Variants in AFF3 observed in about 807,000 individuals in gnomAD.
The protein encoded by AFF3 is ALF transcription elongation factor 3.
A neutral mutation model predicts 129.7 loss-of-function variants in AFF3; 32 were observed. The ratio of observed to expected loss-of-function variants is 0.25; its 90% CI spans 0.19 to 0.33. The LOEUF (loss-of-function observed/expected upper bound fraction) is 0.33. AFF3 is among the 10% of genes least tolerant of loss of function. AFF3 has a pLI of 1.00. For missense variants in AFF3, 1,373 were observed against 1,592.0 expected, an observed-to-expected ratio of 0.86 and a Z score of 2.34; for synonymous variants, 644 against 635.4, an observed-to-expected ratio of 1.01 and a Z score of -0.20.
chr2:100,002,624 T>C (rs1393634585), intron 7 of AFF3, among the ~76,000 whole-genome samples: 1 of 152,180 alleles, frequency 6.6e-6, no homozygotes, highest in Non-Finnish European at 1.5e-5. Flanking sequence ...CAAATTCAGG[T>C]GTCTCTTTCC....
chr2:100,011,719 G>C, intron 4 of AFF3: 2 of 648,720 alleles, frequency 3.1e-6, no homozygotes, highest in Non-Finnish European at 5.6e-6. Context: ...CGGGAGGCAA[G>C]CTGAACAAAG....
intron 11 of AFF3, among the ~76,000 whole-genome samples, chr2:99,706,447 AT>A (rs1677397320): frequency 6.6e-6 from 1 of 152,156 alleles, no homozygotes. Context: ...TTCTCAGCGG[AT>A]TTCTCCAGGC....
intron 7 of AFF3, among the ~76,000 whole-genome samples, chr2:99,867,576 T>TAAAAA (rs3072544): frequency 9.6e-4 from 136 of 141,352 alleles, no homozygotes; most frequent in African/African-American, 3.3e-3. Context: ...ATTTCTATAT[T>TAAAAA]AAAAAAAAAA....
chr2:99,550,043 C>T lies in AFF3; in HGVS notation c.*1431G>A, dbSNP rs1198984703. On this transcript the variant is annotated 3_prime_UTR_variant, in exon 25 of 25. Transcript: ENST00000672756. ...GTGTGGCAAGATAGACCCTCTTTTT[C>T]AGGAGTTATTTTCTTTTCGTCAAGA... is the stretch of plus-strand genomic sequence containing the variant. 4.4e-6 allele frequency: 1 copy of T among 227,802 alleles called. No individual in the cohort carries two copies. Among genetic ancestry groups the T allele is most frequent in the Non-Finnish European group, 8.7e-6 (1 of 114,758 alleles). The allele number at this position is 227,802 out of a possible 1,614,324, so 14.1% of individuals were successfully genotyped here.
chr2:99,948,329 G>A (rs1675831643), intron 7 of AFF3, among the ~76,000 whole-genome samples: 1 of 152,130 alleles, frequency 6.6e-6, no homozygotes, highest in Non-Finnish European at 1.5e-5. Flanking sequence ...GAAGCTCCAA[G>A]TTTTGAAGAC....
chr2:100,073,525 G>A (rs909003588), intron 4 of AFF3, among the ~76,000 whole-genome samples: 1 of 152,112 alleles, frequency 6.6e-6, no homozygotes. Flanking sequence ...CCAGGCTGTG[G>A]GACTTTATAG....
chr2:99,671,340 T>C (rs1575654053), intron 12 of AFF3, among the ~76,000 whole-genome samples: 1 of 152,152 alleles, frequency 6.6e-6, no homozygotes, highest in African/African-American at 2.4e-5. Context: ...TGTAAAACAC[T>C]CGAAGCCTGA....
chr2:99,913,106 AAGAAG>A (rs1695218247), intron 7 of AFF3, among the ~76,000 whole-genome samples: 1 of 152,226 alleles, frequency 6.6e-6, no homozygotes, highest in African/African-American at 2.4e-5. Flanking sequence ...GGGGAAAAGA[AAGAAG>A]AGAAGGAAGT....
intron 4 of AFF3, among the ~76,000 whole-genome samples, chr2:100,086,329 T>C (rs1047839310): frequency 8.6e-5 from 13 of 151,680 alleles, no homozygotes; most frequent in African/African-American, 3.1e-4. Flanking sequence ...GAGACCATCC[T>C]GGCCAACAAG....
intron 13 of AFF3, among the ~76,000 whole-genome samples, chr2:99,638,295 G>A (rs997626963): frequency 2.6e-5 from 4 of 152,118 alleles, no homozygotes; most frequent in African/African-American, 7.2e-5. Context: ...CCTGACCTCA[G>A]GTGATATGCC....
At chr2:99,701,391 T>C (rs560282796) in intron 11 of AFF3, among the ~76,000 whole-genome samples, 2 of 152,362 alleles carry the variant, frequency 1.3e-5, no homozygotes, top group East Asian at 3.9e-4. Context: ...ATTCTGTTAG[T>C]ATTCTCATCA....
chr2:100,033,722 C>A lies in AFF3; in HGVS notation c.54-24790G>T, dbSNP rs1684695531. Among the ~76,000 whole-genome samples the A allele has an allele frequency of 2.0e-5, 3 of 151,960 alleles. No homozygotes were observed. The South Asian group carries it at 6.2e-4, about 32-fold the overall frequency. On this transcript the variant is annotated intron_variant, in intron 4 of 24. Coordinates refer to ENST00000672756, the MANE Select transcript of AFF3 (RefSeq NM_001386135.1). ...TTTCCCACTTGCTGTTTTTATTGGA[C>A]AATAAAAGCCATATGGGCTAAGAAT...
Position 99,683,364 on chromosome 2 carries a change from T to C in AFF3, c.1092-10775A>G, listed in dbSNP as rs1303947036. Among the ~76,000 whole-genome samples the C allele has an allele frequency of 2.0e-5, 3 of 152,362 alleles. No individual in the cohort carries two copies. In the East Asian group the frequency reaches 5.8e-4, roughly 29 times the overall value. On this transcript the variant is annotated intron_variant, in intron 11 of 24. Transcript: ENST00000672756. ...TCTGGTATGTAGTAATTAATAAATA[T>C]TCAGTATTCTAACTGGAATTTTATT...
At chr2:99,875,081 A>G (rs1321247832) in intron 7 of AFF3, among the ~76,000 whole-genome samples, 1 of 152,184 alleles carries the variant, frequency 6.6e-6, no homozygotes, top group Non-Finnish European at 1.5e-5. Flanking sequence ...AAAGGACAAG[A>G]CATTCTTTTG....
chr2:99,766,076 G>A (rs1391360257), intron 8 of AFF3, among the ~76,000 whole-genome samples: 1 of 152,220 alleles, frequency 6.6e-6, no homozygotes, highest in Non-Finnish European at 1.5e-5. Context: ...AGGCAAGCTG[G>A]GAGTGTAGCG....
intron 13 of AFF3, among the ~76,000 whole-genome samples, chr2:99,610,695 C>G (rs1233452938): frequency 2.0e-5 from 3 of 152,118 alleles, no homozygotes; most frequent in African/African-American, 7.2e-5. Flanking sequence ...TTCTCTGGGA[C>G]ACTGCTTCCG....
At chr2:100,017,493 G>A (rs140977348) in intron 4 of AFF3, among the ~76,000 whole-genome samples, 1 of 152,300 alleles carries the variant, frequency 6.6e-6, no homozygotes, top group Non-Finnish European at 1.5e-5. Flanking sequence ...GAGATTGAGG[G>A]TGGTCTGTGC....
chr2:99,804,579 T>C (rs1378943721), intron 8 of AFF3, among the ~76,000 whole-genome samples: 1 of 152,214 alleles, frequency 6.6e-6, no homozygotes, highest in Non-Finnish European at 1.5e-5. Context: ...GCAATCCCAC[T>C]ACAGGGTATC....
chr2:99,767,772 C>G (rs534248606), intron 8 of AFF3, among the ~76,000 whole-genome samples: 2 of 152,098 alleles, frequency 1.3e-5, no homozygotes, highest in Non-Finnish European at 2.9e-5. Flanking sequence ...GGTGAAACCC[C>G]ATCTCTACTA....
Sources: gnomAD v4.1 joint callset for allele counts (sites outside exome capture counted in the v4.1 genomes callset) on GRCh38, gnomAD v4.1.1 for gene constraint, MANE v1.5 for transcripts, NCBI Gene and HGNC (gene_info 2026-07-23, HGNC 2026-07-21) for gene names.